Variants in CCDC91 observed in about 807,000 individuals in gnomAD.
CCDC91 encodes the protein coiled-coil domain-containing protein 91.
Under a neutral mutation model 63.2 loss-of-function variants are expected in CCDC91, and 48 were observed. The observed-to-expected ratio is 0.76, with a 90% CI of 0.60 to 0.97. The LOEUF (loss-of-function observed/expected upper bound fraction) is 0.97. Ranked by LOEUF, CCDC91 falls within the 50% of genes least tolerant of loss-of-function variation. The pLI is 0.00. For synonymous variants in CCDC91, 167 were observed against 165.8 expected (o/e 1.01, Z -0.06); for missense variants, 500 against 494.6 (o/e 1.01, Z -0.10).
intron 3 of CCDC91, among the ~76,000 whole-genome samples, chr12:28,277,240 C>G (rs1029664997): frequency 2.0e-5 from 3 of 151,950 alleles, no homozygotes; most frequent in African/African-American, 7.2e-5. Flanking sequence ...TTATAAATGA[C>G]ATTGTCACAA....
Position 28,201,940 on chromosome 12 carries a change from A to G in CCDC91, c.-15+11299A>G, listed in dbSNP as rs1167064412. On this transcript the variant is annotated intron_variant, in intron 1 of 12. Coordinates refer to ENST00000536442, the MANE Select transcript of CCDC91 (RefSeq NM_018318.5). ...GCACTGGGCAGGCTGAGGCAGGAGAATCAGGCAGGGAGGTTGCAGTGAGCC... is the reference window on the plus strand; with the variant it reads ...GCACTGGGCAGGCTGAGGCAGGAGAGTCAGGCAGGGAGGTTGCAGTGAGCC... Among the ~76,000 whole-genome samples the G allele has an allele frequency of 5.3e-5, 8 of 151,684 alleles. No individual in the cohort carries two copies. In the East Asian group the frequency reaches 1.6e-3, roughly 29 times the overall value.
intron 3 of CCDC91, among the ~76,000 whole-genome samples, chr12:28,262,253 C>T (rs564964799): frequency 9.2e-5 from 14 of 152,082 alleles, no homozygotes; most frequent in African/African-American, 3.1e-4. Context: ...GTCTATAATC[C>T]ATATGGAAAA....
At chr12:28,352,560 A>G (rs547686925) in intron 6 of CCDC91, among the ~76,000 whole-genome samples, 5 of 152,304 alleles carry the variant, frequency 3.3e-5, no homozygotes, top group African/African-American at 1.2e-4. Context: ...GTTTGTTCCT[A>G]AGAAGCAACT....
At chr12:28,290,314 G>C (rs548401882) in intron 3 of CCDC91, among the ~76,000 whole-genome samples, 1 of 152,092 alleles carries the variant, frequency 6.6e-6, no homozygotes, top group South Asian at 2.1e-4. Flanking sequence ...TCTGACATAA[G>C]GATTGTAATC....
Position 28,398,106 on chromosome 12 carries a change from T to G in CCDC91, c.762+6695T>G, listed in dbSNP as rs7977618. Among the ~76,000 whole-genome samples, 585 of 152,290 alleles carry G rather than the reference T, an allele frequency of 3.8e-3. 7 individuals are homozygous for G. The highest frequency in any genetic ancestry group is 0.013 in the African/African-American group (553 of 41,582). On this transcript the variant is annotated intron_variant, in intron 8 of 12. Coordinates refer to ENST00000536442, the MANE Select transcript of CCDC91 (RefSeq NM_018318.5). ...CATTCTATAGAAATATATACACTCA[T>G]ATATCTATCATCAACAATCAAGATA...
At chr12:28,364,737 A>G (rs1022962383) in intron 7 of CCDC91, among the ~76,000 whole-genome samples, 2 of 152,188 alleles carry the variant, frequency 1.3e-5, no homozygotes, top group Non-Finnish European at 2.9e-5. Flanking sequence ...TAATTATCAC[A>G]TGAACTTCTC....
intron 6 of CCDC91, among the ~76,000 whole-genome samples, chr12:28,318,529 A>C (rs1289206235): frequency 6.6e-6 from 1 of 152,004 alleles, no homozygotes; most frequent in East Asian, 1.9e-4. Context: ...TGACAGAGCC[A>C]GACCCTGTCT....
intron 12 of CCDC91, among the ~76,000 whole-genome samples, chr12:28,534,427 T>C (rs2141674005): frequency 6.6e-6 from 1 of 152,284 alleles, no homozygotes; most frequent in East Asian, 1.9e-4. Flanking sequence ...GAGCATCAAA[T>C]AGTAAGGTGA....
At chr12:28,521,008 T>C (rs896140759) in intron 12 of CCDC91, among the ~76,000 whole-genome samples, 1 of 152,190 alleles carries the variant, frequency 6.6e-6, no homozygotes, top group African/African-American at 2.4e-5. Flanking sequence ...GGTAGCATGA[T>C]GCCTCCAGCT....
At chr12:28,428,862 G>A (rs1410270839) in intron 8 of CCDC91, among the ~76,000 whole-genome samples, 2 of 151,936 alleles carry the variant, frequency 1.3e-5, no homozygotes, top group African/African-American at 2.4e-5. Flanking sequence ...GCTTTTCTTA[G>A]GTCTTCTAAC....
intron 6 of CCDC91, among the ~76,000 whole-genome samples, chr12:28,349,211 A>G (rs549174401): frequency 6.6e-5 from 10 of 152,198 alleles, no homozygotes; most frequent in African/African-American, 2.4e-4. Context: ...TGTTTCTTCT[A>G]ACTGTGCTTT....
intron 8 of CCDC91, among the ~76,000 whole-genome samples, chr12:28,409,434 C>T (rs1208346254): frequency 1.3e-5 from 2 of 151,972 alleles, no homozygotes; most frequent in African/African-American, 2.4e-5. Context: ...TAATTGTAAT[C>T]TATGTTTTCT....
chr12:28,194,030 G>A (rs1453767136), intron 1 of CCDC91, among the ~76,000 whole-genome samples: 4 of 152,162 alleles, frequency 2.6e-5, no homozygotes, highest in African/African-American at 9.7e-5. Flanking sequence ...CTTTCAAAGA[G>A]CAGAAGTTTT....
rs79478791 is a variant in CCDC91 at position 28,202,411 on chromosome 12, G to A, written c.-15+11770G>A. Among the ~76,000 whole-genome samples the A allele has an allele frequency of 1.3e-3, 199 of 152,288 alleles. 2 individuals carry two copies. The highest frequency in any genetic ancestry group is 4.6e-3 in the African/African-American group (192 of 41,566). ...TCTGGAAATCAGATTCTCCTTCTCA[G>A]GGTTTCTTCTTGTTGCTGCTCTTGT... On this transcript the variant is annotated intron_variant, in intron 1 of 12. Transcript: ENST00000536442.
chr12:28,400,416 G>T (rs1946552121), intron 8 of CCDC91, among the ~76,000 whole-genome samples: 1 of 145,184 alleles, frequency 6.9e-6, no homozygotes, highest in Non-Finnish European at 1.5e-5. Context: ...GGTCTGTGAT[G>T]AGAGGGACTG....
At chr12:28,542,703 G>C (rs1942713860) in intron 12 of CCDC91, among the ~76,000 whole-genome samples, 1 of 152,146 alleles carries the variant, frequency 6.6e-6, no homozygotes, top group East Asian at 1.9e-4. Flanking sequence ...AATTGGTTCA[G>C]AGTCTCTTTC....
intron 12 of CCDC91, among the ~76,000 whole-genome samples, chr12:28,523,830 A>G (rs1174816854): frequency 6.6e-6 from 1 of 152,050 alleles, no homozygotes; most frequent in East Asian, 1.9e-4. Context: ...TCCTTCACTT[A>G]TGAAGCTTAG....
At chr12:28,505,443 A>G (rs2141206321) in intron 12 of CCDC91, 1 of 152,056 alleles carries the variant, frequency 6.6e-6, no homozygotes, top group Non-Finnish European at 1.5e-5. Flanking sequence ...TGATCTCGGA[A>G]GCTAAGGAGG....
At chr12:28,195,892 C>T (rs139480321) in intron 1 of CCDC91, among the ~76,000 whole-genome samples, 1 of 152,070 alleles carries the variant, frequency 6.6e-6, no homozygotes, top group East Asian at 1.9e-4. Flanking sequence ...ATCGCTTGAG[C>T]CCAGGAGTTC....
Sources: allele counts gnomAD v4.1 joint callset (sites outside exome capture counted in the v4.1 genomes callset), GRCh38; gene constraint gnomAD v4.1.1; transcripts MANE v1.5; gene names NCBI Gene and HGNC (gene_info 2026-07-23, HGNC 2026-07-21).